ABCA13: variants seen among roughly 807,000 people sequenced by gnomAD.
ABCA13 encodes ATP-binding cassette sub-family A member 13.
ABCA13 carries 476 observed loss-of-function variants against 478.7 expected under a neutral mutation model. The observed-to-expected ratio is 0.99, with a 90% CI of 0.92 to 1.07. ABCA13 has a LOEUF of 1.07. Among genes scored for constraint, ABCA13 ranks in the 50% least tolerant of loss-of-function variants. The probability of loss-of-function intolerance (pLI) is 0.00; values close to 1 mark genes in which losing one functional copy is unlikely to be tolerated. For missense variants in ABCA13, 6,060 were observed against 5,910.6 expected (o/e 1.03, Z -0.83); for synonymous variants, 2,252 against 2,158.9 (o/e 1.04, Z -1.20).
intron 54 of ABCA13, among the ~76,000 whole-genome samples, chr7:48,527,101 G>C (rs1412875735): frequency 6.6e-6 from 1 of 152,130 alleles, no homozygotes; most frequent in Non-Finnish European, 1.5e-5. Flanking sequence ...GGAGGACAGG[G>C]TATGTGGGGA....
chr7:48,277,041 G>A (rs544411405), intron 17 of ABCA13, among the ~76,000 whole-genome samples: 5 of 152,124 alleles, frequency 3.3e-5, no homozygotes, highest in South Asian at 4.1e-4. Context: ...TAAAAATCTC[G>A]TTTGAAGTTT....
chr7:48,458,148 C>A (rs1189599147), intron 43 of ABCA13, among the ~76,000 whole-genome samples: 1 of 152,152 alleles, frequency 6.6e-6, no homozygotes, highest in Non-Finnish European at 1.5e-5. Flanking sequence ...TTGCCTCTTT[C>A]CACTCTCAAA....
rs1036415483 is a variant in ABCA13, at chr7:48,469,684, G to C, written c.12906-1846G>C. ...AAATGCACCTTAGCACTTTGGGGAGGCCGAGGTGGGCGGATCACGAGGTCA... is the reference window on the plus strand; with the variant it reads ...AAATGCACCTTAGCACTTTGGGGAGCCCGAGGTGGGCGGATCACGAGGTCA... On this transcript the variant is annotated intron_variant, in intron 44 of 61. Transcript: ENST00000435803. Among the ~76,000 whole-genome samples the C allele has an allele frequency of 8.5e-5, 13 of 152,120 alleles. No homozygotes were observed. In the East Asian group the frequency reaches 2.5e-3, roughly 29 times the overall value.
intron 55 of ABCA13, among the ~76,000 whole-genome samples, chr7:48,543,715 AAT>A (rs1784561991): frequency 1.3e-5 from 2 of 151,928 alleles, no homozygotes; most frequent in South Asian, 4.1e-4. Context: ...ACATTTTAAA[AAT>A]AGTTGCCATC....
chr7:48,566,274 A>C (rs1160101682), intron 55 of ABCA13, among the ~76,000 whole-genome samples: 2 of 152,188 alleles, frequency 1.3e-5, no homozygotes, highest in Non-Finnish European at 2.9e-5. Context: ...GCTAGTCAGC[A>C]TGCATCATGA....
At chr7:48,619,273 C>A (rs188220643) in intron 59 of ABCA13, among the ~76,000 whole-genome samples, 40 of 152,040 alleles carry the variant, frequency 2.6e-4, no homozygotes, top group African/African-American at 8.7e-4. Flanking sequence ...CTATGGATAA[C>A]CTAAAGCTCT....
In ABCA13 at chr7:48,403,771, A is replaced by T. The variant is rs376737193; in HGVS notation, c.11962A>T (p.Ile3988Phe). 8.1e-5 allele frequency: 131 copies of T among 1,613,874 alleles called. No individual in the cohort carries two copies. Among genetic ancestry groups the T allele is most frequent in the Middle Eastern group, 1.6e-4 (1 of 6,084 alleles). ...GGLKRKLSLGIAFMGMSRTVV... is the reference protein window; with the variant it reads ...GGLKRKLSLGFAFMGMSRTVV... Reference sequence around the variant, plus strand: ...CCTGAAGAGGAAGCTCTCCCTTGGCATTGCTTTCATGGGCATGTCGAGGAC... The same window carrying T: ...CCTGAAGAGGAAGCTCTCCCTTGGCTTTGCTTTCATGGGCATGTCGAGGAC... The change falls in exon 39 of 62, where the codon ATT becomes TTT. Residue 3988 changes from isoleucine to phenylalanine, a missense_variant. Around this residue, in one of 3 missense-constraint regions of ABCA13, gnomAD observed 1,627 missense variants for 1,571.0 expected, o/e 1.04. Transcript: ENST00000435803.
intron 55 of ABCA13, among the ~76,000 whole-genome samples, chr7:48,545,608 A>G (rs889892107): frequency 1.3e-4 from 20 of 151,754 alleles, no homozygotes; most frequent in African/African-American, 4.8e-4. Flanking sequence ...AAACATTACA[A>G]AACACACAAG....
intron 42 of ABCA13, among the ~76,000 whole-genome samples, chr7:48,434,025 G>A (rs1460505099): frequency 6.6e-6 from 1 of 151,646 alleles, no homozygotes; most frequent in Admixed American, 6.6e-5. Context: ...TACTTTTTTT[G>A]AGCATATAAC....
intron 57 of ABCA13, among the ~76,000 whole-genome samples, chr7:48,593,658 C>T (rs759751474): frequency 6.6e-6 from 1 of 150,568 alleles, no homozygotes; most frequent in African/African-American, 2.4e-5. Context: ...TTTGAAGAAC[C>T]CCTTTAGCAT....
chr7:48,564,039 T>C (rs529618907), intron 55 of ABCA13, among the ~76,000 whole-genome samples: 78 of 152,230 alleles, frequency 5.1e-4, no homozygotes, highest in African/African-American at 1.8e-3. Context: ...CCTCTCTTTC[T>C]TTTTAAATAG....
In ABCA13 at chr7:48,516,737, TC is replaced by T; in HGVS notation, c.13655del (p.Pro4552HisfsTer5). On this transcript the variant is annotated frameshift_variant, in exon 52 of 62. Transcript: ENST00000435803. LOFTEE classifies it high-confidence loss of function. ...CTTTACTTTTCAGATATGCAACTCT[TC>T]CATGGATGTACCTGATGTCCAGAAT... ...LLSLFGYATL[P>X]WMYLMSRIFS... is the part of the protein sequence containing the mutation. The T allele has an allele frequency of 6.2e-7, 1 of 1,613,624 alleles. No individual in the cohort carries two copies. The highest frequency in any genetic ancestry group is 8.5e-7 in the Non-Finnish European group (1 of 1,179,652).
intron 55 of ABCA13, among the ~76,000 whole-genome samples, chr7:48,569,526 G>C (rs2131310957): frequency 6.6e-6 from 1 of 152,028 alleles, no homozygotes; most frequent in Non-Finnish European, 1.5e-5. Context: ...TTGTTTGCTT[G>C]TTTGTTTGTT....
At chr7:48,440,917 A>G (rs1158657022) in intron 42 of ABCA13, among the ~76,000 whole-genome samples, 7 of 152,136 alleles carry the variant, frequency 4.6e-5, no homozygotes, top group African/African-American at 1.7e-4. Flanking sequence ...AAGAAAACTT[A>G]TGTTTTTATT....
intron 38 of ABCA13, among the ~76,000 whole-genome samples, chr7:48,395,514 T>A (rs186317730): frequency 2.0e-5 from 3 of 152,296 alleles, no homozygotes; most frequent in African/African-American, 7.2e-5. Context: ...TCAATACAAG[T>A]AACACCCAGT....
At chr7:48,312,019 A>G (rs1801854299) in intron 24 of ABCA13, among the ~76,000 whole-genome samples, 1 of 152,200 alleles carries the variant, frequency 6.6e-6, no homozygotes, top group Non-Finnish European at 1.5e-5. Context: ...AAAGATGAGT[A>G]GAAGAAGTGA....
rs1791621868 is a variant in ABCA13 at position 48,246,037 on chromosome 7, A to G, written c.1659+7A>G. Reference sequence around the variant, plus strand: ...TGGTTCAGTAGAGGATGCTGTAAGTATTCTACCATCTTAGCTCTTCTAAGG... The same window carrying G: ...TGGTTCAGTAGAGGATGCTGTAAGTGTTCTACCATCTTAGCTCTTCTAAGG... On this transcript the variant is annotated splice_region_variant and intron_variant, in intron 13 of 61. Transcript: ENST00000435803. 6.2e-7 allele frequency: 1 copy of G among 1,611,650 alleles called. No homozygotes were observed. Among genetic ancestry groups the G allele is most frequent in the Non-Finnish European group, 8.5e-7 (1 of 1,178,688 alleles).
intron 48 of ABCA13, among the ~76,000 whole-genome samples, chr7:48,496,994 T>TCATAAC (rs1340240173): frequency 6.6e-6 from 1 of 152,024 alleles, no homozygotes; most frequent in Non-Finnish European, 1.5e-5. Context: ...CTTGGGAAGT[T>TCATAAC]TTCAGCTGTT....
intron 25 of ABCA13, 103 bp from the exon 26 acceptor site, chr7:48,314,129 A>G (rs773500776): frequency 6.1e-5 from 76 of 1,251,618 alleles, no homozygotes; most frequent in Non-Finnish European, 8.0e-5. Flanking sequence ...CTTGTTGAAT[A>G]TCTTGTACAT....
Sources: allele counts gnomAD v4.1 joint callset (sites outside exome capture counted in the v4.1 genomes callset), GRCh38; gene constraint gnomAD v4.1.1; regional missense constraint gnomAD v4.1.1; transcripts MANE v1.5; gene names NCBI Gene and HGNC (gene_info 2026-07-23, HGNC 2026-07-21).